The following AGBL1 variants were observed in gnomAD, a reference collection of about 807,000 sequenced individuals.
AGBL1 encodes the protein AGBL carboxypeptidase 1, also known as cytosolic carboxypeptidase 4.
A neutral mutation model predicts 118.9 loss-of-function variants in AGBL1; 130 were observed. The observed-to-expected ratio is 1.09, with a 90% CI of 0.95 to 1.26. The LOEUF is 1.26. Ranked by LOEUF, AGBL1 falls within the 50% of genes most tolerant of loss-of-function variation. AGBL1 has a pLI of 0.00. For synonymous variants in AGBL1, 555 were observed against 478.9 expected (o/e 1.16, Z -2.08); for missense variants, 1,584 against 1,298.1 (o/e 1.22, Z -3.38).
chr15:86,767,641 C>T (rs1017765516), intron 22 of AGBL1, among the ~76,000 whole-genome samples: 1 of 151,742 alleles, frequency 6.6e-6, no homozygotes, highest in Non-Finnish European at 1.5e-5. Context: ...CAACACTTTC[C>T]CATGGATTTA....
chr15:86,322,713 C>T (rs2080122295), intron 17 of AGBL1, among the ~76,000 whole-genome samples: 1 of 152,178 alleles, frequency 6.6e-6, no homozygotes, highest in Admixed American at 6.5e-5. Context: ...CACCCAGCAG[C>T]ATGCTCAACA....
At chr15:86,755,041 C>G (rs2077915611) in intron 22 of AGBL1, among the ~76,000 whole-genome samples, 1 of 152,062 alleles carries the variant, frequency 6.6e-6, no homozygotes, top group Non-Finnish European at 1.5e-5. Context: ...AAAATGATGG[C>G]ATGGGAAATT....
At chr15:86,358,682 C>T (rs1423904791) in intron 17 of AGBL1, among the ~76,000 whole-genome samples, 1 of 151,852 alleles carries the variant, frequency 6.6e-6, no homozygotes, top group Non-Finnish European at 1.5e-5. Context: ...CACATCCTTG[C>T]TAATATTTAT....
In AGBL1 at chr15:86,424,052, A is replaced by C. The variant is rs549948363; in HGVS notation, c.2555+26506A>C. Among the ~76,000 whole-genome samples, 88 of 152,346 alleles carry C rather than the reference A, an allele frequency of 5.8e-4. 1 individual carries two copies. Among genetic ancestry groups the C allele is most frequent in the Non-Finnish European group, 1.1e-3 (76 of 68,030 alleles). ...TCAACTTTAAATTTCATATGGAACA[A>C]AAAACAAGCCCATATAGCCAAGACA... is the stretch of plus-strand genomic sequence containing the variant. On this transcript the variant is annotated intron_variant, in intron 18 of 22. Transcript: ENST00000614907.
At chr15:86,455,982 G>C (rs2082254021) in intron 18 of AGBL1, among the ~76,000 whole-genome samples, 1 of 152,002 alleles carries the variant, frequency 6.6e-6, no homozygotes, top group African/African-American at 2.4e-5. Context: ...ATATTTCCTT[G>C]CAACACGTCT....
rs145470523 is a variant in AGBL1, at chr15:86,731,847, G to A, written c.3158+57411G>A. ...ACTGGGGTGTCTTGAGGGGTAGTAA[G>A]CCTCTGAAATGTGCCCCAGGGAACT... On this transcript the variant is annotated intron_variant, in intron 22 of 22. Transcript: ENST00000614907. Among the ~76,000 whole-genome samples the A allele has an allele frequency of 2.8e-3, 430 of 152,262 alleles. 1 individual carries two copies. Among genetic ancestry groups the A allele is most frequent in the South Asian group, 9.5e-3 (46 of 4,826 alleles).
chr15:86,973,938 A>T (rs945571389), intron 23 of AGBL1, among the ~76,000 whole-genome samples: 2 of 143,930 alleles, frequency 1.4e-5, no homozygotes, highest in African/African-American at 5.0e-5. Context: ...AAATATAAAC[A>T]TATTTAATAT....
At chr15:86,629,999 A>T (rs1226806280) in intron 21 of AGBL1, among the ~76,000 whole-genome samples, 1 of 152,252 alleles carries the variant, frequency 6.6e-6, no homozygotes, top group East Asian at 1.9e-4. Flanking sequence ...TGCTTATTGC[A>T]ATTGCAGATA....
intron 19 of AGBL1, among the ~76,000 whole-genome samples, chr15:86,530,224 C>T (rs1027207137): frequency 1.5e-5 from 2 of 136,278 alleles, no homozygotes; most frequent in Admixed American, 1.4e-4. Context: ...ATCTCACGTG[C>T]AGAGACACAC....
chr15:86,178,362 G>A (rs919250478), intron 5 of AGBL1, among the ~76,000 whole-genome samples: 2 of 152,074 alleles, frequency 1.3e-5, no homozygotes, highest in African/African-American at 2.4e-5. Flanking sequence ...ATAAGAAAAA[G>A]AGAGAAGACA....
intron 18 of AGBL1, among the ~76,000 whole-genome samples, chr15:86,440,562 T>G (rs2082051670): frequency 6.6e-6 from 1 of 151,968 alleles, no homozygotes; most frequent in African/African-American, 2.4e-5. Context: ...GCCTACCATT[T>G]CATAGCCACA....
At chr15:86,662,531 T>G (rs1345039332) in intron 21 of AGBL1, among the ~76,000 whole-genome samples, 1 of 152,110 alleles carries the variant, frequency 6.6e-6, no homozygotes, top group Non-Finnish European at 1.5e-5. Flanking sequence ...TGCTGGAGAG[T>G]GTATTTTGGA....
At chr15:86,781,953 GT>G (rs770959390) in intron 22 of AGBL1, among the ~76,000 whole-genome samples, 20 of 151,800 alleles carry the variant, frequency 1.3e-4, no homozygotes, top group African/African-American at 1.9e-4. Context: ...TTATCGAGAA[GT>G]TTCTCTTTGT....
intron 5 of AGBL1, 120 bp from the exon 6 acceptor site, chr15:86,224,794 T>C (rs999260289): frequency 2.2e-6 from 2 of 899,904 alleles, no homozygotes; most frequent in African/African-American, 3.3e-5. Flanking sequence ...ATAGATTGCC[T>C]GCTACCTGGT....
chr15:86,157,187 T>C (rs1347739997), intron 4 of AGBL1, among the ~76,000 whole-genome samples: 3 of 152,162 alleles, frequency 2.0e-5, no homozygotes, highest in African/African-American at 7.2e-5. Context: ...GATGCTTGAA[T>C]CCTTGTTCAC....
intron 18 of AGBL1, among the ~76,000 whole-genome samples, chr15:86,478,412 A>T (rs996806607): frequency 6.6e-6 from 1 of 152,186 alleles, no homozygotes; most frequent in African/African-American, 2.4e-5. Context: ...ATGTGCAAAA[A>T]TCACAAACAT....
intron 22 of AGBL1, among the ~76,000 whole-genome samples, chr15:86,819,926 A>G (rs1338699203): frequency 6.6e-6 from 1 of 152,216 alleles, no homozygotes. Flanking sequence ...ACAGCATGGT[A>G]CTGGTACCAA....
Position 86,719,236 on chromosome 15 carries a change from A to G in AGBL1, c.3158+44800A>G, listed in dbSNP as rs560999697. Among the ~76,000 whole-genome samples the G allele has an allele frequency of 3.3e-5, 5 of 152,320 alleles. No homozygotes were observed. In the East Asian group the frequency reaches 7.7e-4, roughly 24 times the overall value. ...GGCTTTTTCTTCCCCCAGTTGACCT[A>G]CAAGAACTGGGGTTGGGAAAGTCAG... On this transcript the variant is annotated intron_variant, in intron 22 of 22. Transcript: ENST00000614907.
chr15:86,509,247 A>T (rs576056889), intron 18 of AGBL1, among the ~76,000 whole-genome samples: 1 of 152,128 alleles, frequency 6.6e-6, no homozygotes, highest in Non-Finnish European at 1.5e-5. Flanking sequence ...GCGAGGCTTG[A>T]TAAGTTTCCT....
Sources: allele counts gnomAD v4.1 joint callset (sites outside exome capture counted in the v4.1 genomes callset), GRCh38; gene constraint gnomAD v4.1.1; transcripts MANE v1.5; gene names NCBI Gene and HGNC (gene_info 2026-07-23, HGNC 2026-07-21).